Variants in SEPTIN3 observed in about 807,000 individuals in gnomAD.
SEPTIN3 encodes neuronal-specific septin-3.
SEPTIN3 carries 15 observed loss-of-function variants against 45.1 expected under a neutral mutation model. That is an observed-to-expected ratio of 0.33 (90% CI 0.22 to 0.51). SEPTIN3 has a LOEUF of 0.51. SEPTIN3 is among the 20% of genes least tolerant of loss of function. The pLI is 0.97. For missense variants in SEPTIN3, 289 were observed against 457.2 expected, an observed-to-expected ratio of 0.63 and a Z score of 3.35; for synonymous variants, 148 against 164.8, an observed-to-expected ratio of 0.90 and a Z score of 0.78.
At chr22:41,986,433 C>T (rs118142868) in intron 4 of SEPTIN3, among the ~76,000 whole-genome samples, 5,921 of 151,864 alleles carry the variant, frequency 0.039, 186 homozygotes, top group Non-Finnish European at 0.058. Flanking sequence ...GTGGGAGGAT[C>T]GCTTGAGTCA....
chr22:41,973,751 C>T (rs1047274231), intron 2 of SEPTIN3, among the ~76,000 whole-genome samples: 2 of 152,012 alleles, frequency 1.3e-5, no homozygotes, highest in African/African-American at 4.8e-5. Flanking sequence ...GAGGCCAAGG[C>T]GGGTGGATCA....
intron 2 of SEPTIN3, among the ~76,000 whole-genome samples, chr22:41,979,443 A>G (rs1286740697): frequency 6.6e-6 from 1 of 152,240 alleles, no homozygotes; most frequent in Non-Finnish European, 1.5e-5. Context: ...AAATGGGCTC[A>G]GCTGCAGAGG....
chr22:41,987,070 G>A, intron 4 of SEPTIN3, 136 bp from the exon 5 acceptor site: 1 of 598,270 alleles, frequency 1.7e-6, no homozygotes, highest in Non-Finnish European at 3.0e-6. Flanking sequence ...TATCGAGATG[G>A]AAAAGACCCT....
Position 41,994,694 on chromosome 22 carries a change from G to T in SEPTIN3, c.2485G>T (p.Asp829Tyr). The T allele has an allele frequency of 6.2e-7, 1 of 1,614,154 alleles. No individual in the cohort carries two copies. Among genetic ancestry groups the T allele is most frequent in the South Asian group, 1.1e-5 (1 of 91,078 alleles). ...YETYRAKRLN[D>Y]NGGLPPGEGL... ...GACTTACAGGGCCAAGCGGCTCAAT[G>T]ACAATGGAGGCCTCCCTCCGGTGAG... Residue 829 changes from aspartate to tyrosine, a missense_variant, in exon 11 of 12, where the codon GAC becomes TAC. Around this residue, in one of 3 missense-constraint regions of SEPTIN3, gnomAD observed 84 missense variants for 114.7 expected, o/e 0.73. Transcript: ENST00000644076. The surrounding 1 kb of genome is among the most constrained non-coding windows in gnomAD (Gnocchi z 4.2).
intron 4 of SEPTIN3, among the ~76,000 whole-genome samples, chr22:41,986,359 A>C (rs1220621243): frequency 6.6e-6 from 1 of 152,134 alleles, no homozygotes; most frequent in Non-Finnish European, 1.5e-5. Context: ...ACAGGTAGAA[A>C]GAGGTAAGGA....
intron 2 of SEPTIN3, 25 bp from the exon 3 acceptor site, chr22:41,981,620 G>A (rs756660166): frequency 3.8e-6 from 6 of 1,593,772 alleles, no homozygotes; most frequent in Admixed American, 1.7e-5. Flanking sequence ...TCACCCCTCC[G>A]ACCCCTCCCA....
intron 9 of SEPTIN3, 116 bp downstream of exon 9, chr22:41,992,879 G>A (rs2078341318): frequency 2.7e-6 from 2 of 734,398 alleles, no homozygotes; most frequent in East Asian, 2.8e-5. Flanking sequence ...ATGCCAGCCA[G>A]ATTCTGCCCA....
intron 3 of SEPTIN3, among the ~76,000 whole-genome samples, chr22:41,982,626 C>T (rs559665316): frequency 1.3e-4 from 19 of 151,954 alleles, no homozygotes; most frequent in Non-Finnish European, 2.5e-4. Flanking sequence ...TGGTGGCTCA[C>T]GCCTGTAATC....
At chr22:41,987,419 G>T (rs2078227285) in intron 5 of SEPTIN3, 132 bp downstream of exon 5, 7 of 1,092,668 alleles carry the variant, frequency 6.4e-6, no homozygotes, top group African/African-American at 1.6e-5. Flanking sequence ...CCAGGCCAGG[G>T]CCCCTGGGGA....
intron 3 of SEPTIN3, 138 bp from the exon 4 acceptor site, chr22:41,985,846 C>A: frequency 9.4e-7 from 1 of 1,064,586 alleles, no homozygotes; most frequent in Non-Finnish European, 1.3e-6. Context: ...CCCCACTCAG[C>A]CTGGCCATCC....
chr22:41,980,161 C>T (rs375140214), intron 2 of SEPTIN3, among the ~76,000 whole-genome samples: 7 of 101,796 alleles, frequency 6.9e-5, no homozygotes, highest in African/African-American at 2.9e-4. Context: ...TTTTTGGAGA[C>T]AGAGTTTGAC....
chr22:41,995,737 G>A, intron 11 of SEPTIN3: 2 of 985,114 alleles, frequency 2.0e-6, no homozygotes, highest in Non-Finnish European at 1.2e-6. Context: ...AGGAAAGAAA[G>A]TTTCTGTAGT....
rs779550091 is a variant in SEPTIN3, at chr22:41,991,611, C to T, written c.2202C>T (p.Tyr734=). The T allele has an allele frequency of 1.2e-6, 2 of 1,613,996 alleles. No individual in the cohort carries two copies. Among genetic ancestry groups the T allele is most frequent in the Non-Finnish European group, 1.7e-6 (2 of 1,179,890 alleles). The change falls in exon 8 of 12, where the codon TAC becomes TAT. Residue 734 remains tyrosine (Y), a synonymous_variant. Transcript: ENST00000644076. ...KELEVNGIEF[Y]PQKEFDEDLE... Reference sequence around the variant, plus strand: ...TTGAAGTAAATGGCATTGAATTCTACCCCCAGAAGGAATTTGATGAGGATT... The same window carrying T: ...TTGAAGTAAATGGCATTGAATTCTATCCCCAGAAGGAATTTGATGAGGATT...
intron 2 of SEPTIN3, among the ~76,000 whole-genome samples, chr22:41,975,184 G>A (rs764929343): frequency 6.6e-6 from 1 of 152,148 alleles, no homozygotes; most frequent in East Asian, 1.9e-4. Flanking sequence ...CACAAGGGCT[G>A]GACATTCATT....
In SEPTIN3 at chr22:41,997,740, T is replaced by A. The variant is rs1194675375; in HGVS notation, c.*773T>A. On this transcript the variant is annotated 3_prime_UTR_variant, in exon 12 of 12. Coordinates refer to ENST00000644076, the MANE Select transcript of SEPTIN3 (RefSeq NM_001363845.2). Reference sequence around the variant, plus strand: ...TCTGTCCACTCAGCAATAAGAGGGATCTCTTCCCACCTACCCTACCTACTC... The same window carrying A: ...TCTGTCCACTCAGCAATAAGAGGGAACTCTTCCCACCTACCCTACCTACTC... The A allele has an allele frequency of 6.6e-6, 1 of 152,588 alleles. No individual in the cohort carries two copies. Among genetic ancestry groups the A allele is most frequent in the Non-Finnish European group, 1.5e-5 (1 of 68,060 alleles). The allele number at this position is 152,588 out of a possible 1,614,324, so 9.5% of individuals were successfully genotyped here.
intron 7 of SEPTIN3, among the ~76,000 whole-genome samples, chr22:41,990,907 T>C (rs896249236): frequency 8.0e-5 from 12 of 149,678 alleles, no homozygotes; most frequent in African/African-American, 2.7e-4. Flanking sequence ...CTACTAAAAA[T>C]ACAAAAATTA....
At chr22:41,978,927 G>A (rs564218996) in intron 2 of SEPTIN3, among the ~76,000 whole-genome samples, 1 of 151,396 alleles carries the variant, frequency 6.6e-6, no homozygotes, top group Admixed American at 6.6e-5. Context: ...AGGAGGAGGA[G>A]GAGGGAGCCA....
chr22:41,985,722 T>C (rs739294), intron 3 of SEPTIN3: 109,783 of 317,566 alleles, frequency 0.35, 21,403 homozygotes, highest in South Asian at 0.45. Flanking sequence ...ATGCAGAGGT[T>C]GTCCCTTTTC....
At chr22:41,981,904 C>T in intron 3 of SEPTIN3, 68 bp downstream of exon 3, 1 of 1,408,154 alleles carries the variant, frequency 7.1e-7, no homozygotes, top group Non-Finnish European at 9.9e-7. Flanking sequence ...TTTCTTTCCC[C>T]CAAATGGCTG....
Sources: allele counts gnomAD v4.1 joint callset (sites outside exome capture counted in the v4.1 genomes callset), GRCh38; gene constraint gnomAD v4.1.1; regional missense constraint gnomAD v4.1.1; non-coding constraint Gnocchi (gnomAD v3.1); transcripts MANE v1.5; gene names NCBI Gene and HGNC (gene_info 2026-07-23, HGNC 2026-07-21).